The following RPN1 variants were observed in gnomAD, a reference collection of about 807,000 sequenced individuals.
The protein encoded by RPN1 is ribophorin I, also known as dolichyl-diphosphooligosaccharide--protein glycosyltransferase subunit 1.
Under a neutral mutation model 55.5 loss-of-function variants are expected in RPN1, and 12 were observed. That is an observed-to-expected ratio of 0.22 (90% CI 0.14 to 0.35). The LOEUF is 0.35. Ranked by LOEUF, RPN1 falls within the 10% of genes least tolerant of loss-of-function variation. The pLI, the probability that RPN1 is intolerant of heterozygous loss-of-function variation, is 1.00. For missense variants in RPN1, 679 were observed against 761.3 expected (o/e 0.89, Z 1.27); for synonymous variants, 317 against 305.9 (o/e 1.04, Z -0.38).
At chr3:128,639,639 G>C (rs2069710174) in intron 2 of RPN1, among the ~76,000 whole-genome samples, 1 of 151,944 alleles carries the variant, frequency 6.6e-6, no homozygotes, top group African/African-American at 2.4e-5. Flanking sequence ...CCAGGCTGGA[G>C]TGAAATGGCA....
In RPN1 at chr3:128,638,025, G is replaced by C. The variant is rs1398666272; in HGVS notation, c.407C>G (p.Thr136Ser). ...KISVIVETVYTHVLHPYPTQI... is the reference protein window; with the variant it reads ...KISVIVETVYSHVLHPYPTQI... Reference sequence around the variant, plus strand: ...GGTTGGATACGGATGAAGCACATGGGTGTAGACTGTTTCCACAATGACTGA... The same window carrying C: ...GGTTGGATACGGATGAAGCACATGGCTGTAGACTGTTTCCACAATGACTGA... The change falls in exon 3 of 10, where the codon ACC becomes AGC. Residue 136 changes from threonine (T) to serine (S), a missense_variant. Coordinates refer to ENST00000296255, the MANE Select transcript of RPN1 (RefSeq NM_002950.4). The C allele has an allele frequency of 6.2e-7, 1 of 1,614,058 alleles. No individual in the cohort carries two copies. Among genetic ancestry groups the C allele is most frequent in the Non-Finnish European group, 8.5e-7 (1 of 1,179,934 alleles).
At chr3:128,634,626 G>C (rs191716792) in intron 3 of RPN1, among the ~76,000 whole-genome samples, 1 of 148,560 alleles carries the variant, frequency 6.7e-6, no homozygotes, top group African/African-American at 2.5e-5. Context: ...GCAATGACGC[G>C]ATCTTGGCTC....
intron 2 of RPN1, among the ~76,000 whole-genome samples, chr3:128,643,648 T>C (rs1289634064): frequency 6.6e-6 from 1 of 151,872 alleles, no homozygotes; most frequent in African/African-American, 2.4e-5. Flanking sequence ...ATACAAAAAT[T>C]AGCCAGGTGT....
chr3:128,638,863 G>A (rs1213627373), intron 2 of RPN1, among the ~76,000 whole-genome samples: 7 of 152,114 alleles, frequency 4.6e-5, no homozygotes, highest in Admixed American at 6.5e-5. Context: ...CTACTTGAGA[G>A]GTTGAAGTGG....
chr3:128,635,169 T>C (rs1464356744), intron 3 of RPN1, among the ~76,000 whole-genome samples: 1 of 152,028 alleles, frequency 6.6e-6, no homozygotes, highest in African/African-American at 2.4e-5. Context: ...TTTTGAGACA[T>C]GGAGGAATAT....
rs2069597433 is a variant in RPN1, at chr3:128,626,024, T to C, written c.1137-12A>G. On this transcript the variant is annotated splice_polypyrimidine_tract_variant and intron_variant, in intron 6 of 9. Coordinates refer to ENST00000296255, the MANE Select transcript of RPN1 (RefSeq NM_002950.4). ...CAATTTCAATGTTCCTGGAAGAAGATGGGAATAAAATATAGCCTCCAACCA... is the reference window on the plus strand; with the variant it reads ...CAATTTCAATGTTCCTGGAAGAAGACGGGAATAAAATATAGCCTCCAACCA... 5 of 1,591,386 alleles carry C rather than the reference T, an allele frequency of 3.1e-6. No homozygotes were observed. The South Asian group carries it at 4.6e-5, about 15-fold the overall frequency.
At chr3:128,645,831 TACAC>T (rs896479307) in intron 1 of RPN1, among the ~76,000 whole-genome samples, 2 of 151,594 alleles carry the variant, frequency 1.3e-5, no homozygotes, top group African/African-American at 4.8e-5. Flanking sequence ...AAAAAAGAAA[TACAC>T]ACATACACAA....
chr3:128,650,708 C>T lies in RPN1; in HGVS notation c.93G>A (p.Leu31=). ...CTGTGCGCTTCACGTCCTCATTGATCAGCGGCGGTGCCTCGGAGGAGGCGC... is the reference window on the plus strand; with the variant it reads ...CTGTGCGCTTCACGTCCTCATTGATTAGCGGCGGTGCCTCGGAGGAGGCGC... ...PGSASSEAPP[L]INEDVKRTVD... is the part of the protein sequence containing the mutation. The change falls in exon 1 of 10, where the codon CTG becomes CTA. Residue 31 remains leucine, a synonymous_variant. Coordinates refer to ENST00000296255, the MANE Select transcript of RPN1 (RefSeq NM_002950.4). 4 of 1,567,618 alleles carry T rather than the reference C, an allele frequency of 2.6e-6. No individual in the cohort carries two copies. The highest frequency in any genetic ancestry group is 3.5e-6 in the Non-Finnish European group (4 of 1,156,164).
At chr3:128,628,381 A>AGC (rs879325018) in intron 5 of RPN1, among the ~76,000 whole-genome samples, 932 of 152,012 alleles carry the variant, frequency 6.1e-3, no homozygotes, top group Middle Eastern at 0.017. Context: ...ATTAAGGCTA[A>AGC]TTAAGATGGA....
Position 128,637,807 on chromosome 3 carries a change from A to G in RPN1, c.625T>C (p.Tyr209His). ...DYGPFRDVPA[Y>H]SQDTFKVHYE... ...ACTCCACCTGAGCTTACCTGACTAT[A>G]GGCAGGCACATCTCTGAAAGGCCCA... Residue 209 changes from tyrosine to histidine, a missense_variant, in exon 3 of 10, where the codon TAT becomes CAT. Physicochemically the swap from Tyr to His is moderately conservative, Grantham distance 83 (BLOSUM62 2). This residue lies in a region of RPN1 where 352 missense variants were observed against 352.8 expected (regional missense o/e 1.00). Coordinates refer to ENST00000296255, the MANE Select transcript of RPN1 (RefSeq NM_002950.4). The G allele has an allele frequency of 1.2e-6, 2 of 1,611,606 alleles. No individual in the cohort carries two copies. Among genetic ancestry groups the G allele is most frequent in the East Asian group, 4.5e-5 (2 of 44,858 alleles).
At chr3:128,637,721 A>C in intron 3 of RPN1, 78 bp downstream of exon 3, 1 of 1,461,966 alleles carries the variant, frequency 6.8e-7, no homozygotes, top group African/African-American at 1.4e-5. Flanking sequence ...CACACCACCC[A>C]AGCCTATCAA....
chr3:128,621,020 G>A (rs551927008), intron 9 of RPN1, among the ~76,000 whole-genome samples: 2 of 152,294 alleles, frequency 1.3e-5, no homozygotes, highest in African/African-American at 4.8e-5. Context: ...GGGGGTGACA[G>A]GCATTGTCAC....
rs746935098 is a variant in RPN1, at chr3:128,626,752, T to A, written c.1117A>T (p.Ile373Phe). Residue 373 changes from isoleucine (I) to phenylalanine (F), a missense_variant, in exon 6 of 10, where the codon ATC becomes TTC. Around this residue, in one of 3 missense-constraint regions of RPN1, gnomAD observed 306 missense variants for 360.0 expected, o/e 0.85. Coordinates refer to ENST00000296255, the MANE Select transcript of RPN1 (RefSeq NM_002950.4). ...ACTCACTTGGCTCCTTCAGGCAGGA[T>A]GATCTTCACAGTCAGAGAATCTATC... Reference protein sequence around the residue: ...QVIDSLTVKIILPEGAKNIEI... With the variant: ...QVIDSLTVKIFLPEGAKNIEI... The A allele has an allele frequency of 1.9e-6, 3 of 1,614,140 alleles. No homozygotes were observed. The highest frequency in any genetic ancestry group is 3.3e-5 in the Admixed American group (2 of 60,014).
intron 3 of RPN1, among the ~76,000 whole-genome samples, chr3:128,634,585 C>G: frequency 7.5e-6 from 1 of 132,792 alleles, no homozygotes; most frequent in Admixed American, 8.1e-5. Context: ...TTTTTTGAGA[C>G]AAACTCTCAC....
chr3:128,648,054 T>A (rs9821829), intron 1 of RPN1, among the ~76,000 whole-genome samples: 31,036 of 150,988 alleles, frequency 0.21, 3,451 homozygotes, highest in East Asian at 0.41. Flanking sequence ...AGGTCAGGAG[T>A]TCGAGAGCAG....
At chr3:128,623,011 G>A (rs1259627135) in intron 8 of RPN1, among the ~76,000 whole-genome samples, 1 of 152,062 alleles carries the variant, frequency 6.6e-6, no homozygotes, top group African/African-American at 2.4e-5. Context: ...TATTACAGCA[G>A]TCTTGCCCAT....
chr3:128,650,382 G>A (rs1014460273), intron 1 of RPN1, among the ~76,000 whole-genome samples, 158 bp downstream of exon 1: 1 of 150,928 alleles, frequency 6.6e-6, no homozygotes, highest in Non-Finnish European at 1.5e-5. Context: ...GACTCCTCGC[G>A]GGCCCCGAGG....
rs1263314391 is a variant in RPN1, at chr3:128,630,127, G to A, written c.860C>T (p.Ala287Val). Reference protein sequence around the residue: ...IRSFKTILPAAAQDVYYRDEI... With the variant: ...IRSFKTILPAVAQDVYYRDEI... Reference sequence around the variant, plus strand: ...ATCCCGGTAATAAACATCCTGGGCAGCAGCAGGAAGGATGGTCTGCAAGAG... The same window carrying A: ...ATCCCGGTAATAAACATCCTGGGCAACAGCAGGAAGGATGGTCTGCAAGAG... The change falls in exon 5 of 10, where the codon GCT becomes GTT. Residue 287 changes from alanine (A) to valine (V), a missense_variant. Ala to Val is a moderately conservative substitution (Grantham distance 64, BLOSUM62 0). Around this residue, in one of 3 missense-constraint regions of RPN1, gnomAD observed 21 missense variants for 48.6 expected, o/e 0.43. Coordinates refer to ENST00000296255, the MANE Select transcript of RPN1 (RefSeq NM_002950.4). 2 of 1,612,432 alleles carry A rather than the reference G, an allele frequency of 1.2e-6. No individual in the cohort carries two copies. Among genetic ancestry groups the A allele is most frequent in the South Asian group, 1.1e-5 (1 of 90,916 alleles).
At chr3:128,630,969 T>C (rs1287818193) in intron 4 of RPN1, among the ~76,000 whole-genome samples, 1 of 151,200 alleles carries the variant, frequency 6.6e-6, no homozygotes, top group Non-Finnish European at 1.5e-5. Flanking sequence ...AAAAATTAGC[T>C]GGGCATGGTG....
Sources: gnomAD v4.1 joint callset for allele counts (sites outside exome capture counted in the v4.1 genomes callset) on GRCh38, gnomAD v4.1.1 for gene constraint, gnomAD v4.1.1 regional missense constraint, MANE v1.5 for transcripts, NCBI Gene and HGNC (gene_info 2026-07-23, HGNC 2026-07-21) for gene names.